Variants in GIT2 observed in about 807,000 individuals in gnomAD.
The protein encoded by GIT2 is ARF GTPase-activating protein GIT2.
In GIT2, 32 loss-of-function variants were observed where a neutral mutation model predicts 100.3. That is an observed-to-expected ratio of 0.32 (90% confidence interval 0.24 to 0.43). The LOEUF is 0.43. Ranked by LOEUF, GIT2 falls within the 20% of genes least tolerant of loss-of-function variation. The pLI, the probability that GIT2 is intolerant of heterozygous loss-of-function variation, is 1.00. For synonymous variants in GIT2, 353 were observed against 364.1 expected (o/e 0.97, Z 0.35); for missense variants, 737 against 975.1 (o/e 0.76, Z 3.25).
At chr12:109,945,919 G>A (rs1168926282) in intron 15 of GIT2, among the ~76,000 whole-genome samples, 6 of 152,080 alleles carry the variant, frequency 3.9e-5, no homozygotes, top group Non-Finnish European at 7.4e-5. Context: ...CGGATTGCCT[G>A]AGCTCAGGAG....
chr12:109,945,435 G>A (rs1876070337), intron 15 of GIT2, 86 bp from the exon 16 acceptor site: 1 of 725,110 alleles, frequency 1.4e-6, no homozygotes, highest in Admixed American at 2.0e-5. Context: ...AAAGAATCCT[G>A]GAACACCACA....
chr12:109,996,233 C>A lies in GIT2; in HGVS notation c.-9G>T. The A allele has an allele frequency of 6.5e-7, 1 of 1,528,404 alleles. No homozygotes were observed. The highest frequency in any genetic ancestry group is 8.8e-7 in the Non-Finnish European group (1 of 1,135,924). The allele number at this position is 1,528,404 out of a possible 1,614,324, so 94.7% of individuals were successfully genotyped here. A position where few individuals can be genotyped will look rare whatever the true frequency, so the allele number is the denominator to read the frequency against. Reference sequence around the variant, plus strand: ...CGGAGCCGTTTCGACATGGCTCCCACCTCCCACCTGCGGGGAACTAGAGGC... The same window carrying A: ...CGGAGCCGTTTCGACATGGCTCCCAACTCCCACCTGCGGGGAACTAGAGGC... On this transcript the variant is annotated 5_prime_UTR_variant, in exon 1 of 20. Coordinates refer to ENST00000355312, the MANE Select transcript of GIT2 (RefSeq NM_057169.5).
chr12:109,968,866 C>CT, intron 7 of GIT2, among the ~76,000 whole-genome samples: 1 of 152,166 alleles, frequency 6.6e-6, no homozygotes, highest in Non-Finnish European at 1.5e-5. Context: ...GGACTACAGG[C>CT]GTGCACTGCT....
In GIT2 at chr12:109,948,079, T is replaced by A; in HGVS notation, c.1393-575A>T. 4.4e-6 allele frequency: 4 copies of A among 919,028 alleles called. No homozygotes were observed. Among genetic ancestry groups the A allele is most frequent in the Non-Finnish European group, 5.2e-6 (4 of 769,524 alleles). 56.9% of individuals were successfully genotyped at this position (919,028 alleles called of 1,614,324 possible). On this transcript the variant is annotated intron_variant, in intron 14 of 19. Coordinates refer to ENST00000355312, the MANE Select transcript of GIT2 (RefSeq NM_057169.5). This position sits in a 1 kb window ranked among gnomAD's most constrained non-coding sequence, Gnocchi z 4.3. ...AAGAAAAATTATGATCAACAAGTTT[T>A]TATTACATAATACTCTTGATATTCC... is the stretch of plus-strand genomic sequence containing the variant.
intron 13 of GIT2, 198 bp downstream of exon 13, chr12:109,952,894 C>G: frequency 1.7e-6 from 1 of 601,808 alleles, no homozygotes. Context: ...AATCACTCCT[C>G]ACAAGTTTTA....
At position 109,947,141 on chromosome 12, in the gene GIT2, C is replaced by A. The variant is rs1053535485; in HGVS notation, c.1641+115G>T. 6 of 929,902 alleles carry A rather than the reference C, an allele frequency of 6.5e-6. No homozygotes were observed. Among genetic ancestry groups the A allele is most frequent in the Non-Finnish European group, 1.0e-5 (6 of 600,032 alleles). 57.6% of individuals were successfully genotyped at this position (929,902 alleles called of 1,614,324 possible). A position where few individuals can be genotyped will look rare whatever the true frequency, so the allele number is the denominator to read the frequency against. ...GTTAATACAGCAAACACAATGGTAA[C>A]TCTCTTAGTCCAATTTGGCAAAGCA... On this transcript the variant is annotated intron_variant, in intron 15 of 19. Coordinates refer to ENST00000355312, the MANE Select transcript of GIT2 (RefSeq NM_057169.5). The surrounding 1 kb of genome is among the most constrained non-coding windows in gnomAD (Gnocchi z 4.3).
intron 7 of GIT2, among the ~76,000 whole-genome samples, chr12:109,973,458 T>A (rs1196524941): frequency 1.3e-5 from 2 of 152,058 alleles, no homozygotes; most frequent in East Asian, 1.9e-4. Flanking sequence ...TATTTTTTTT[T>A]AATTATCCTT....
chr12:109,991,394 A>G (rs767911075), intron 2 of GIT2, among the ~76,000 whole-genome samples: 3 of 152,140 alleles, frequency 2.0e-5, no homozygotes, highest in Non-Finnish European at 4.4e-5. Flanking sequence ...CTATTCATCT[A>G]TCTACCTATA....
At chr12:109,973,494 A>C (rs1341261533) in intron 7 of GIT2, among the ~76,000 whole-genome samples, 1 of 152,002 alleles carries the variant, frequency 6.6e-6, no homozygotes, top group Non-Finnish European at 1.5e-5. Flanking sequence ...TTATAGTGAC[A>C]ACTCCATCTG....
chr12:109,993,886 TAAG>T (rs1888858071), intron 1 of GIT2, among the ~76,000 whole-genome samples: 3 of 151,790 alleles, frequency 2.0e-5, no homozygotes, highest in South Asian at 4.2e-4. Context: ...GTAGAATATT[TAAG>T]AAGATGTGAT....
At chr12:109,992,429 G>T (rs1192894923) in intron 1 of GIT2, among the ~76,000 whole-genome samples, 3 of 152,046 alleles carry the variant, frequency 2.0e-5, no homozygotes, top group African/African-American at 7.2e-5. Flanking sequence ...TTACAGGCGT[G>T]AGCCACTGTG....
chr12:109,988,882 A>G, intron 4 of GIT2, 81 bp downstream of exon 4: 1 of 635,876 alleles, frequency 1.6e-6, no homozygotes, highest in Non-Finnish European at 2.8e-6. Context: ...GCCCACAACC[A>G]GACTTTTTTT....
chr12:109,975,703 G>A (rs1336979524), intron 7 of GIT2, among the ~76,000 whole-genome samples: 1 of 150,124 alleles, frequency 6.7e-6, no homozygotes, highest in Admixed American at 6.6e-5. Flanking sequence ...ATCTTTTGAT[G>A]ATTTGAGTAA....
rs1871345176 is a variant in GIT2, at chr12:109,929,854, G to A, written c.*3124C>T. The A allele has an allele frequency of 6.6e-6, 1 of 152,494 alleles. No individual in the cohort carries two copies. The highest frequency in any genetic ancestry group is 6.6e-5 in the Admixed American group (1 of 15,260). 9.4% of individuals were successfully genotyped at this position (152,494 alleles called of 1,614,324 possible). A position where few individuals can be genotyped will look rare whatever the true frequency, so the allele number is the denominator to read the frequency against. The stretch of plus-strand genomic sequence containing the variant: ...AACTAGCAGGCACAAATTCCAAAAC[G>A]ATTTTACAACACTTAAAGGGCACAA... On this transcript the variant is annotated 3_prime_UTR_variant, in exon 20 of 20. Transcript: ENST00000355312.
chr12:109,983,286 T>C, intron 6 of GIT2, 87 bp downstream of exon 6: 6 of 1,175,338 alleles, frequency 5.1e-6, no homozygotes, highest in Non-Finnish European at 7.4e-6. Flanking sequence ...GGGTTCAATA[T>C]CAACATATAC....
At chr12:109,937,072 C>T (rs573356623) in intron 18 of GIT2, among the ~76,000 whole-genome samples, 2 of 152,258 alleles carry the variant, frequency 1.3e-5, no homozygotes, top group South Asian at 4.1e-4. Flanking sequence ...CAGTTTTTAT[C>T]GAAGGAGGCT....
chr12:109,981,160 G>T (rs1393201863), intron 6 of GIT2, 114 bp from the exon 7 acceptor site: 2 of 730,212 alleles, frequency 2.7e-6, no homozygotes, highest in African/African-American at 3.5e-5. Flanking sequence ...AGACTTTTGA[G>T]AATCATCAAC....
At chr12:109,981,183 G>T in intron 6 of GIT2, 137 bp from the exon 7 acceptor site, 2 of 663,072 alleles carry the variant, frequency 3.0e-6, no homozygotes, top group South Asian at 1.7e-5. Flanking sequence ...TCTTGTGGTA[G>T]GTAGATTTCT....
chr12:109,939,076 G>A, intron 17 of GIT2, 89 bp downstream of exon 17: 2 of 754,656 alleles, frequency 2.7e-6, no homozygotes, highest in Admixed American at 3.8e-5. Flanking sequence ...AAAGGGGTGT[G>A]TGTGGTGAAC....
Sources: allele counts gnomAD v4.1 joint callset (sites outside exome capture counted in the v4.1 genomes callset), GRCh38; gene constraint gnomAD v4.1.1; non-coding constraint Gnocchi (gnomAD v3.1); transcripts MANE v1.5; gene names NCBI Gene and HGNC (gene_info 2026-07-23, HGNC 2026-07-21).